CSNK1G3: variants seen among roughly 807,000 people sequenced by gnomAD.
The protein encoded by CSNK1G3 is casein kinase 1 gamma 3.
In CSNK1G3, 23 loss-of-function variants were observed where a neutral mutation model predicts 64.3. The observed-to-expected ratio is 0.36, with a 90% CI of 0.26 to 0.51. The LOEUF (loss-of-function observed/expected upper bound fraction) is 0.51. Among genes scored for constraint, CSNK1G3 ranks in the 20% least tolerant of loss-of-function variants. The pLI is 0.96. For missense variants in CSNK1G3, 357 were observed against 510.5 expected (o/e 0.70, Z 2.90); for synonymous variants, 158 against 162.2 (o/e 0.97, Z 0.20).
At chr5:123,595,204 A>G in intron 10 of CSNK1G3, 70 bp downstream of exon 11, 2 of 1,340,378 alleles carry the variant, frequency 1.5e-6, no homozygotes, top group African/African-American at 1.5e-5. Flanking sequence ...TTTGGAACTC[A>G]TGGCATGATT....
intron 4 of CSNK1G3, among the ~76,000 whole-genome samples, chr5:123,566,351 GA>G (rs1786873019): frequency 6.6e-6 from 1 of 152,128 alleles, no homozygotes; most frequent in Non-Finnish European, 1.5e-5. Context: ...AAAGATATTG[GA>G]AATTATCAGA....
At chr5:123,603,658 A>G (rs899825242) in intron 10 of CSNK1G3, among the ~76,000 whole-genome samples, 6 of 152,164 alleles carry the variant, frequency 3.9e-5, no homozygotes, top group African/African-American at 1.4e-4. Flanking sequence ...TAGCTGTGTG[A>G]TAGAAAAGGC....
rs975861204 is a variant in CSNK1G3 at position 123,566,187 on chromosome 5, T to C, written c.290-7206T>C. Among the ~76,000 whole-genome samples, 3 of 152,332 alleles carry C rather than the reference T, an allele frequency of 2.0e-5. No homozygotes were observed. The South Asian group carries it at 6.2e-4, about 32-fold the overall frequency. ...TACTGTTGTGTGACCTAATTTTGTT[T>C]TGTCACTTAAAGGGAATACCAACAT... On this transcript the variant is annotated intron_variant, in intron 4 of 12. Transcript: ENST00000345990.
intron 1 of CSNK1G3, among the ~76,000 whole-genome samples, chr5:123,525,272 C>T (rs148942813): frequency 1.2e-3 from 175 of 150,454 alleles, no homozygotes; most frequent in East Asian, 4.3e-3. Context: ...CTTGATTAAA[C>T]GCCTTGCAAG....
chr5:123,519,673 C>A (rs1450015570), intron 1 of CSNK1G3, among the ~76,000 whole-genome samples: 3 of 151,916 alleles, frequency 2.0e-5, no homozygotes, highest in Non-Finnish European at 2.9e-5. Flanking sequence ...TCCTGGAATT[C>A]CAGTGAGATT....
At chr5:123,579,365 A>G (rs1424906756) in intron 6 of CSNK1G3, among the ~76,000 whole-genome samples, 1 of 150,678 alleles carries the variant, frequency 6.6e-6, no homozygotes, top group African/African-American at 2.4e-5. Context: ...TTCAGTTAAT[A>G]TGTTCAGGGA....
chr5:123,537,833 A>G (rs1781088005), intron 1 of CSNK1G3, among the ~76,000 whole-genome samples: 1 of 152,152 alleles, frequency 6.6e-6, no homozygotes, highest in Admixed American at 6.6e-5. Context: ...GACATTTTAC[A>G]GTCAAATTTC....
At chr5:123,570,092 G>A (rs778009015) in intron 4 of CSNK1G3, among the ~76,000 whole-genome samples, 2 of 152,038 alleles carry the variant, frequency 1.3e-5, no homozygotes, top group East Asian at 1.9e-4. Flanking sequence ...TTATGTATCC[G>A]TAATGCCCAA....
intron 1 of CSNK1G3, among the ~76,000 whole-genome samples, chr5:123,527,045 A>C (rs1299185229): frequency 6.6e-6 from 1 of 152,152 alleles, no homozygotes; most frequent in Non-Finnish European, 1.5e-5. Context: ...AGTAGTAAGC[A>C]GTTCTAAAAT....
At chr5:123,577,622 G>A (rs1003828215) in intron 6 of CSNK1G3, among the ~76,000 whole-genome samples, 1 of 151,400 alleles carries the variant, frequency 6.6e-6, no homozygotes, top group Admixed American at 6.6e-5. Flanking sequence ...AAAAGCTGAG[G>A]ATACTCAGAA....
intron 10 of CSNK1G3, among the ~76,000 whole-genome samples, chr5:123,598,524 A>G (rs1049815413): frequency 1.3e-5 from 2 of 152,194 alleles, no homozygotes; most frequent in East Asian, 3.9e-4. Context: ...TGAGACGTAA[A>G]GAATCAGTGG....
At chr5:123,565,015 A>G (rs1326815324) in intron 4 of CSNK1G3, among the ~76,000 whole-genome samples, 1 of 152,220 alleles carries the variant, frequency 6.6e-6, no homozygotes, top group Non-Finnish European at 1.5e-5. Context: ...AAATTAACAC[A>G]GAAATATAAA....
At chr5:123,554,607 G>A (rs1487540877) in intron 3 of CSNK1G3, among the ~76,000 whole-genome samples, 2 of 152,166 alleles carry the variant, frequency 1.3e-5, no homozygotes, top group Non-Finnish European at 2.9e-5. Flanking sequence ...GATTACAGGC[G>A]TGAGCCACTG....
chr5:123,563,603 T>G (rs1426378808), intron 4 of CSNK1G3, among the ~76,000 whole-genome samples: 3 of 152,102 alleles, frequency 2.0e-5, no homozygotes, highest in African/African-American at 7.2e-5. Context: ...TTTATTGTAC[T>G]GTTCACTTCT....
At chr5:123,543,895 A>G (rs909008946) in intron 1 of CSNK1G3, among the ~76,000 whole-genome samples, 1 of 152,202 alleles carries the variant, frequency 6.6e-6, no homozygotes, top group Non-Finnish European at 1.5e-5. Flanking sequence ...GAAACTTCAT[A>G]AATAGATTGG....
At chr5:123,536,404 A>G (rs1388279325) in intron 1 of CSNK1G3, among the ~76,000 whole-genome samples, 1 of 149,618 alleles carries the variant, frequency 6.7e-6, no homozygotes, top group Non-Finnish European at 1.5e-5. Context: ...ATTTCCTTCT[A>G]AATTGAAAAA....
chr5:123,553,476 C>T (rs1784071067), intron 3 of CSNK1G3, among the ~76,000 whole-genome samples: 1 of 152,164 alleles, frequency 6.6e-6, no homozygotes, highest in South Asian at 2.1e-4. Context: ...CCTTCTGATT[C>T]AAACATTTTG....
At chr5:123,564,932 C>CTTT in intron 4 of CSNK1G3, among the ~76,000 whole-genome samples, 1 of 152,108 alleles carries the variant, frequency 6.6e-6, no homozygotes, top group African/African-American at 2.4e-5. Flanking sequence ...TTCTTTTATG[C>CTTT]TCTTACCCTT....
chr5:123,593,806 A>T (rs1425196260), intron 10 of CSNK1G3, among the ~76,000 whole-genome samples: 6 of 152,102 alleles, frequency 3.9e-5, no homozygotes, highest in Non-Finnish European at 8.8e-5. Context: ...TAGTGCCAGA[A>T]CATGTATTCA....
Sources: gnomAD v4.1 joint callset for allele counts (sites outside exome capture counted in the v4.1 genomes callset) on GRCh38, gnomAD v4.1.1 for gene constraint, MANE v1.5 for transcripts, NCBI Gene and HGNC (gene_info 2026-07-23, HGNC 2026-07-21) for gene names.